Variants in SLC2A5 observed in about 807,000 individuals in gnomAD.
SLC2A5 encodes solute carrier family 2 member 5.
In SLC2A5, 56 loss-of-function variants were observed where a neutral mutation model predicts 50.3. The ratio of observed to expected loss-of-function variants is 1.11; its 90% CI spans 0.90 to 1.39. The LOEUF is 1.39. SLC2A5 is among the 40% of genes most tolerant of loss of function. SLC2A5 has a pLI of 0.00. For missense variants in SLC2A5, 566 were observed against 650.1 expected (o/e 0.87, Z 1.41); for synonymous variants, 269 against 281.9 (o/e 0.95, Z 0.46).
chr1:9,075,033 A>C (rs200998715), intron 2 of SLC2A5, among the ~76,000 whole-genome samples: 2 of 100,786 alleles, frequency 2.0e-5, no homozygotes, highest in African/African-American at 6.7e-5. Context: ...AAAACAAAAC[A>C]AAAAAAAAAA....
At position 9,037,644 on chromosome 1, in the gene SLC2A5, T is replaced by A. The variant is rs1248139920; in HGVS notation, c.1448A>T (p.Glu483Val). 4 of 1,614,060 alleles carry A rather than the reference T, an allele frequency of 2.5e-6. No homozygotes were observed. Residue 483 changes from glutamate (E) to valine (V), a missense_variant, in exon 12 of 12, where the codon GAA (glutamate) becomes GTA (valine). Transcript: ENST00000377424. ...CAGTTCCTCCTTTTCCGGGTACACT[T>A]CAGACACCTTATTCATCTTGGTGAA... ...QIFTKMNKVS[E>V]VYPEKEELKE...
upstream of SLC2A5, among the ~76,000 whole-genome samples, chr1:9,074,144 A>C (rs1557683848): frequency 6.6e-6 from 1 of 151,676 alleles, no homozygotes; most frequent in South Asian, 2.1e-4. Context: ...TCTTAGCAGC[A>C]TGTTCATATA....
chr1:9,039,064 G>A, intron 8 of SLC2A5, 135 bp from the exon 9 acceptor site: 1 of 1,056,256 alleles, frequency 9.5e-7, no homozygotes, highest in Non-Finnish European at 1.3e-6. Flanking sequence ...ACATTCACAT[G>A]TGCAAGACAT....
At chr1:9,063,147 CAT>C (rs1295398101) in intron 1 of SLC2A5, among the ~76,000 whole-genome samples, 1 of 152,198 alleles carries the variant, frequency 6.6e-6, no homozygotes, top group African/African-American at 2.4e-5. Context: ...TCAGATTCCA[CAT>C]GTGAGATCAT....
intron 2 of SLC2A5, among the ~76,000 whole-genome samples, chr1:9,077,768 G>A (rs565876617): frequency 7.0e-6 from 1 of 143,022 alleles, no homozygotes; most frequent in Admixed American, 7.1e-5. Flanking sequence ...AGAGAGGGAG[G>A]GAGGGAGGGA....
chr1:9,079,605 C>G (rs895711041), intron 2 of SLC2A5, among the ~76,000 whole-genome samples: 10 of 152,194 alleles, frequency 6.6e-5, no homozygotes, highest in Admixed American at 3.3e-4. Context: ...CCTGCCTCAG[C>G]CTCCCAAATA....
rs75350835 is a variant in SLC2A5, at chr1:9,075,271, C to T, written c.-58-5677G>A. ...TAACACACATAACTCACAGACTTCC[C>T]GTTTCACATCAAACACCTCAATTTA... is the stretch of plus-strand genomic sequence containing the variant. On this transcript the variant is annotated intron_variant, in intron 2 of 5. Coordinates refer to the SLC2A5 transcript ENST00000464985. Among the ~76,000 whole-genome samples the T allele has an allele frequency of 8.9e-3, 1,361 of 152,152 alleles. 46 individuals carry two copies. The highest frequency in any genetic ancestry group is 0.061 in the East Asian group (318 of 5,180).
intron 3 of SLC2A5, among the ~76,000 whole-genome samples, chr1:9,050,043 G>A (rs568967064): frequency 1.4e-4 from 22 of 152,102 alleles, no homozygotes; most frequent in African/African-American, 2.7e-4. Context: ...AGGCCAAGGC[G>A]GGTGGATCAC....
chr1:9,051,201 AGAAGGAAGGAGGGAAAAAAAGAAAAG>A (rs1641564448), intron 3 of SLC2A5, among the ~76,000 whole-genome samples: 1 of 151,956 alleles, frequency 6.6e-6, no homozygotes, highest in African/African-American at 2.4e-5. Context: ...GAAAAAGAGA[AGAAGGAAGGAGGGAAAAAAAGAAAAG>A]GAAGGAAGGA....
intron 1 of SLC2A5, among the ~76,000 whole-genome samples, chr1:9,065,394 T>C (rs1211720053): frequency 2.0e-5 from 3 of 152,246 alleles, no homozygotes. Flanking sequence ...CTGAAGTTTC[T>C]GTTGTCAGAG....
At position 9,037,785 on chromosome 1, in the gene SLC2A5, C is replaced by T. The variant is rs200992460; in HGVS notation, c.1307G>A (p.Gly436Asp). 7.4e-6 allele frequency: 12 copies of T among 1,614,116 alleles called. No individual in the cohort carries two copies. The highest frequency in any genetic ancestry group is 4.0e-5 in the African/African-American group (3 of 75,056). Residue 436 changes from glycine (G) to aspartate (D), a missense_variant, in exon 12 of 12, where the codon GGC (glycine) becomes GAC (aspartate). Coordinates refer to ENST00000377424, the MANE Select transcript of SLC2A5 (RefSeq NM_003039.3). Reference protein sequence around the residue: ...VGLIFPFIQEGLGPYSFIVFA... With the variant: ...VGLIFPFIQEDLGPYSFIVFA... ...GACAATGAAGCTGTACGGGCCGAGG[C>T]CCTCCTGCGGGAAGAGGGGCAGGTG...
At chr1:9,052,534 C>T (rs1457374376) in intron 3 of SLC2A5, among the ~76,000 whole-genome samples, 1 of 152,040 alleles carries the variant, frequency 6.6e-6, no homozygotes, top group African/African-American at 2.4e-5. Context: ...AAGAGTAAAC[C>T]CTAATGTACA....
rs186434383 is a variant in SLC2A5, at chr1:9,042,232, G to A, written c.419-295C>T. Reference sequence around the variant, plus strand: ...CTGGCCTGAGTCTAGACCCACTCACGTTTCTGCTTTTTGAGGAGGGTCTGT... The same window carrying A: ...CTGGCCTGAGTCTAGACCCACTCACATTTCTGCTTTTTGAGGAGGGTCTGT... On this transcript the variant is annotated intron_variant, in intron 4 of 11. Transcript: ENST00000377424. Among the ~76,000 whole-genome samples, 9 of 152,186 alleles carry A rather than the reference G, an allele frequency of 5.9e-5. No individual in the cohort carries two copies. The East Asian group carries it at 1.2e-3, about 20-fold the overall frequency.
At position 9,066,310 on chromosome 1, in the gene SLC2A5, A is replaced by G. The variant is rs148974784; in HGVS notation, c.33+3194T>C. On this transcript the variant is annotated intron_variant, in intron 1 of 11. Coordinates refer to ENST00000377424, the MANE Select transcript of SLC2A5 (RefSeq NM_003039.3). ...GAGCGCAGTGGCACTATCTCTGCTC[A>G]CTGCAAACTCTACCTCCCAGGCTCA... 3.4e-4 allele frequency among the ~76,000 whole-genome samples: 52 copies of G among 151,996 alleles called. 1 individual carries two copies. Among genetic ancestry groups the G allele is most frequent in the Middle Eastern group, 3.4e-3 (1 of 294 alleles).
rs138250837 is a variant in SLC2A5, at chr1:9,058,461, A to T, written c.34-211T>A. On this transcript the variant is annotated intron_variant, in intron 1 of 11. Coordinates refer to ENST00000377424, the MANE Select transcript of SLC2A5 (RefSeq NM_003039.3). ...ACTTGGGGTCTGATAATTCTTTGTTATGGGGGCTGTCCTGAGCACAGCAGG... is the reference window on the plus strand; with the variant it reads ...ACTTGGGGTCTGATAATTCTTTGTTTTGGGGGCTGTCCTGAGCACAGCAGG... Among the ~76,000 whole-genome samples, 749 of 152,332 alleles carry T rather than the reference A, an allele frequency of 4.9e-3. 10 individuals are homozygous for T. Among genetic ancestry groups the T allele is most frequent in the East Asian group, 0.03 (158 of 5,182 alleles).
intron 3 of SLC2A5, among the ~76,000 whole-genome samples, chr1:9,052,912 GCCACAATC>G (rs1641613587): frequency 6.7e-6 from 1 of 149,870 alleles, no homozygotes; most frequent in Non-Finnish European, 1.5e-5. Context: ...TCTGCAGTGA[GCCACAATC>G]GTGCCACTGC....
chr1:9,078,650 A>T (rs143682295), intron 2 of SLC2A5, among the ~76,000 whole-genome samples: 1 of 151,976 alleles, frequency 6.6e-6, no homozygotes, highest in East Asian at 1.9e-4. Flanking sequence ...CATCAAAACC[A>T]TGTAAACTGT....
intron 2 of SLC2A5, among the ~76,000 whole-genome samples, chr1:9,081,468 TAAA>T (rs34557003): frequency 1.9e-4 from 19 of 102,466 alleles, no homozygotes; most frequent in Non-Finnish European, 3.2e-4. Flanking sequence ...CTCCTTCTCT[TAAA>T]AAAAAAAAAA....
chr1:9,040,245 C>T lies in SLC2A5; in HGVS notation c.572-56G>A. The T allele has an allele frequency of 2.0e-6, 3 of 1,527,068 alleles. No homozygotes were observed. Among genetic ancestry groups the T allele is most frequent in the South Asian group, 1.2e-5 (1 of 82,018 alleles). The allele number at this position is 1,527,068 out of a possible 1,614,324, so 94.6% of individuals were successfully genotyped here. A position where few individuals can be genotyped will look rare whatever the true frequency, so the allele number is the denominator to read the frequency against. Reference sequence around the variant, plus strand: ...GGCCTCCCCACCACCCCGAAGGCGCCCTCTGCAGAGCCGGCCCCAGCCCCG... The same window carrying T: ...GGCCTCCCCACCACCCCGAAGGCGCTCTCTGCAGAGCCGGCCCCAGCCCCG... On this transcript the variant is annotated intron_variant, in intron 5 of 11. Transcript: ENST00000377424. The surrounding 1 kb of genome is among the most constrained non-coding windows in gnomAD (Gnocchi z 4.3).
Sources: gnomAD v4.1 joint callset for allele counts (sites outside exome capture counted in the v4.1 genomes callset) on GRCh38, gnomAD v4.1.1 for gene constraint, Gnocchi (gnomAD v3.1) non-coding constraint, MANE v1.5 for transcripts, NCBI Gene and HGNC (gene_info 2026-07-23, HGNC 2026-07-21) for gene names.